The following AMHR2 variants were observed in gnomAD, a reference collection of about 807,000 sequenced individuals.
AMHR2 encodes anti-Muellerian hormone type-2 receptor.
In AMHR2, 36 loss-of-function variants were observed where a neutral mutation model predicts 61.4. The ratio of observed to expected loss-of-function variants is 0.59; its 90% CI spans 0.45 to 0.77. AMHR2 has a LOEUF of 0.77. Among genes scored for constraint, AMHR2 ranks in the 30% least tolerant of loss-of-function variants. The pLI is 0.00. For missense variants in AMHR2, 638 were observed against 714.6 expected, an observed-to-expected ratio of 0.89 and a Z score of 1.22; for synonymous variants, 258 against 279.4, an observed-to-expected ratio of 0.92 and a Z score of 0.76.
At chr12:53,430,986 CAG>C in intron 10 of AMHR2, 189 bp from the exon 11 acceptor site, 1 of 701,702 alleles carries the variant, frequency 1.4e-6, no homozygotes, top group Non-Finnish European at 2.4e-6. Flanking sequence ...AGAAGGCCCC[CAG>C]AGAGCCTGTT....
intron 2 of AMHR2, 108 bp downstream of exon 2, chr12:53,424,578 A>G: frequency 2.6e-6 from 4 of 1,550,398 alleles, no homozygotes; most frequent in Non-Finnish European, 2.6e-6. Flanking sequence ...ATCTGGTGGG[A>G]AAGAAAAGCC....
Position 53,430,254 on chromosome 12 carries a change from TC to T in AMHR2, c.1400del (p.Pro467HisfsTer14). 6.2e-7 allele frequency: 1 copy of T among 1,614,066 alleles called. No individual in the cohort carries two copies. Among genetic ancestry groups the T allele is most frequent in the Non-Finnish European group, 8.5e-7 (1 of 1,180,010 alleles). On this transcript the variant is annotated frameshift_variant, in exon 10 of 11. Transcript: ENST00000257863. LOFTEE classifies it low-confidence loss of function (END_TRUNC). ...LAVQERRRPY[I>X]PSTWRCFATD... ...GTGCAGGAGAGGAGGCGTCCCTACA[TC>T]CCATCCACCTGGCGCTGCTTTGCCA...
chr12:53,424,089 GAGTA>G, intron 1 of AMHR2, 106 bp downstream of exon 1: 1 of 1,423,164 alleles, frequency 7.0e-7, no homozygotes, highest in Non-Finnish European at 9.9e-7. Context: ...TGGGCTGGGT[GAGTA>G]AGGGTGAAGG....
chr12:53,427,810 A>T (rs995903853), intron 6 of AMHR2, among the ~76,000 whole-genome samples: 1 of 152,182 alleles, frequency 6.6e-6, no homozygotes, highest in Non-Finnish European at 1.5e-5. Flanking sequence ...TTTGCCCAGA[A>T]TCTATGTGAC....
chr12:53,425,440 T>G lies in AMHR2; in HGVS notation c.503-15T>G, dbSNP rs1270186184. ...TGCATTTGCACCCTGACCCTAAGGC[T>G]CTTGTCTGTTCCAGCCCTGCTACAG... On this transcript the variant is annotated splice_polypyrimidine_tract_variant and intron_variant, in intron 4 of 10. Coordinates refer to ENST00000257863, the MANE Select transcript of AMHR2 (RefSeq NM_020547.3). 6.2e-7 allele frequency: 1 copy of G among 1,613,318 alleles called. No individual in the cohort carries two copies. Among genetic ancestry groups the G allele is most frequent in the African/African-American group, 1.3e-5 (1 of 74,900 alleles).
intron 10 of AMHR2, 35 bp downstream of exon 10, chr12:53,430,317 A>G (rs1176413532): frequency 5.0e-6 from 8 of 1,613,944 alleles, no homozygotes; most frequent in Non-Finnish European, 5.9e-6. Flanking sequence ...GGGAACCTGG[A>G]GAGTGGGGGC....
Position 53,429,950 on chromosome 12 carries a change from A to G in AMHR2, c.1260A>G (p.Ile420Met). 2 of 1,614,140 alleles carry G rather than the reference A, an allele frequency of 1.2e-6. No homozygotes were observed. The highest frequency in any genetic ancestry group is 1.7e-6 in the Non-Finnish European group (2 of 1,180,022). ...CTTTGGCTCTGCTCCTGTGGGAGAT[A>G]CTGAGCCGCTGCCCAGATTTGAGGC... The part of the protein sequence containing the change: ...IYSLALLLWE[I>M]LSRCPDLRPD... The change falls in exon 9 of 11, where the codon ATA becomes ATG. Residue 420 changes from isoleucine to methionine, a missense_variant. Physicochemically the swap from Ile to Met is conservative, Grantham distance 10. Transcript: ENST00000257863.
chr12:53,425,122 T>G (rs1253758754), intron 3 of AMHR2, 43 bp from the exon 4 acceptor site: 1 of 1,612,082 alleles, frequency 6.2e-7, no homozygotes, highest in East Asian at 2.2e-5. Context: ...AGAGCAGGTT[T>G]GGGTCAGTGC....
Position 53,431,575 on chromosome 12 carries a change from T to C in AMHR2, c.*102T>C. The C allele has an allele frequency of 6.8e-7, 1 of 1,481,380 alleles. No homozygotes were observed. Among genetic ancestry groups the C allele is most frequent in the Non-Finnish European group, 9.3e-7 (1 of 1,070,884 alleles). 91.8% of individuals were successfully genotyped at this position (1,481,380 alleles called of 1,614,324 possible). A position where few individuals can be genotyped will look rare whatever the true frequency, so the allele number is the denominator to read the frequency against. On this transcript the variant is annotated 3_prime_UTR_variant, in exon 11 of 11. Coordinates refer to ENST00000257863, the MANE Select transcript of AMHR2 (RefSeq NM_020547.3). The stretch of plus-strand genomic sequence containing the variant: ...ACTGCATTTCCCACCTGCCGAATCC[T>C]TGGATTCTTCTGCGGGCATCCAGTC...
chr12:53,425,634 A>G, intron 5 of AMHR2, 55 bp from the exon 6 acceptor site: 1 of 1,612,950 alleles, frequency 6.2e-7, no homozygotes, highest in Non-Finnish European at 8.5e-7. Flanking sequence ...GCTGGGGAGG[A>G]ATCCTGGCCC....
chr12:53,426,727 G>A (rs1939630943), intron 6 of AMHR2, among the ~76,000 whole-genome samples: 1 of 151,326 alleles, frequency 6.6e-6, no homozygotes, highest in African/African-American at 2.4e-5. Context: ...CTGTTGCCCA[G>A]GCTGGAGTGC....
At chr12:53,426,382 G>A (rs1939589536) in intron 6 of AMHR2, among the ~76,000 whole-genome samples, 1 of 151,938 alleles carries the variant, frequency 6.6e-6, no homozygotes, top group African/African-American at 2.4e-5. Context: ...CCAGCACTTT[G>A]GGAGGCCAAG....
Position 53,423,959 on chromosome 12 carries a change from G to A in AMHR2, c.25G>A (p.Ala9Thr), listed in dbSNP as rs375435717. The A allele has an allele frequency of 8.7e-6, 14 of 1,614,046 alleles. No individual in the cohort carries two copies. In the African/African-American group the frequency reaches 1.7e-4, roughly 20 times the overall value. ...GATGCTAGGGTCTTTGGGGCTTTGG[G>A]CATTACTTCCCACAGCTGTGGAAGG... MLGSLGLW[A>T]LLPTAVEAPP... The change falls in exon 1 of 11, where the codon GCA (alanine) becomes ACA (threonine). Residue 9 changes from alanine (A) to threonine (T), a missense_variant. Transcript: ENST00000257863.
chr12:53,430,018 C>A (rs1167661027), intron 9 of AMHR2, 40 bp downstream of exon 9: 2 of 1,614,206 alleles, frequency 1.2e-6, no homozygotes, highest in South Asian at 1.1e-5. Flanking sequence ...TGGGCTCCCC[C>A]CCGCCCATTC....
chr12:53,424,144 C>A (rs1939312499), intron 1 of AMHR2, 144 bp from the exon 2 acceptor site: 3 of 1,316,004 alleles, frequency 2.3e-6, no homozygotes, highest in Non-Finnish European at 3.3e-6. Flanking sequence ...AGGTTCCAGG[C>A]CTCTGCTGAC....
chr12:53,424,426 G>C lies in AMHR2; in HGVS notation c.188G>C (p.Gly63Ala), dbSNP rs1939347836. ...TGCCTCTACAGCCGCTGCTGCTTTG[G>C]GATCTGGAACCTGACCCAAGACCGG... The part of the protein sequence containing the change: ...IRCLYSRCCF[G>A]IWNLTQDRAQ... Residue 63 changes from glycine to alanine, a missense_variant, in exon 2 of 11, where the codon GGG (glycine) becomes GCG (alanine). Coordinates refer to ENST00000257863, the MANE Select transcript of AMHR2 (RefSeq NM_020547.3). The C allele has an allele frequency of 6.2e-7, 1 of 1,613,706 alleles. No homozygotes were observed.
In AMHR2 at chr12:53,425,812, C is replaced by T. The variant is rs536389361; in HGVS notation, c.745C>T (p.Leu249Phe). The T allele has an allele frequency of 1.2e-6, 2 of 1,614,026 alleles. No homozygotes were observed. The highest frequency in any genetic ancestry group is 8.5e-7 in the Non-Finnish European group (1 of 1,180,038). The part of the protein sequence containing the change: ...QFQAERALYE[L>F]PGLQHDHIVR... ...CCAAGCTGAGAGAGCATTGTACGAA[C>T]TTCCAGGCCTACAGCACGACCACAT... The change falls in exon 6 of 11, where the codon CTT becomes TTT. Residue 249 changes from leucine to phenylalanine, a missense_variant. Leu to Phe is a conservative substitution (Grantham distance 22). Coordinates refer to ENST00000257863, the MANE Select transcript of AMHR2 (RefSeq NM_020547.3).
rs773654940 is a variant in AMHR2, at chr12:53,423,967, TC to T, written c.36del (p.Thr13GlnfsTer31). The T allele has an allele frequency of 6.2e-7, 1 of 1,614,104 alleles. No individual in the cohort carries two copies. The highest frequency in any genetic ancestry group is 2.2e-5 in the East Asian group (1 of 44,874). ...GGTCTTTGGGGCTTTGGGCATTACT[TC>T]CCACAGCTGTGGAAGGTAAGTGTCT... Reference protein sequence around the residue: ...LGSLGLWALLPTAVEAPPNRR... With the variant: ...LGSLGLWALLXTAVEAPPNRR... On this transcript the variant is annotated frameshift_variant, in exon 1 of 11. Coordinates refer to ENST00000257863, the MANE Select transcript of AMHR2 (RefSeq NM_020547.3). LOFTEE classifies it high-confidence loss of function.
Position 53,429,519 on chromosome 12 carries a change from G to T in AMHR2, c.1034G>T (p.Gly345Val). ...SSQNVLIREDGSCAIGDLGLA... is the reference protein window; with the variant it reads ...SSQNVLIREDVSCAIGDLGLA... ...CAGAATGTGCTCATTCGGGAAGATGGATCGTGTGCCATTGGAGACCTGGGC... is the reference window on the plus strand; with the variant it reads ...CAGAATGTGCTCATTCGGGAAGATGTATCGTGTGCCATTGGAGACCTGGGC... The change falls in exon 8 of 11, where the codon GGA becomes GTA. Residue 345 changes from glycine to valine, a missense_variant. By Grantham distance (109) the Gly-to-Val change is moderately radical. Transcript: ENST00000257863. The T allele has an allele frequency of 6.2e-7, 1 of 1,613,620 alleles. No homozygotes were observed. Among genetic ancestry groups the T allele is most frequent in the East Asian group, 2.2e-5 (1 of 44,824 alleles).
Sources: allele counts gnomAD v4.1 joint callset (sites outside exome capture counted in the v4.1 genomes callset), GRCh38; gene constraint gnomAD v4.1.1; transcripts MANE v1.5; gene names NCBI Gene and HGNC (gene_info 2026-07-23, HGNC 2026-07-21).